Variants in KCNMB2 observed in about 807,000 individuals in gnomAD.
KCNMB2 encodes potassium calcium-activated channel subfamily M regulatory beta subunit 2, also known as calcium-activated potassium channel subunit beta-2.
In KCNMB2, 9 loss-of-function variants were observed where a neutral mutation model predicts 24.5. The ratio of observed to expected loss-of-function variants is 0.37; its 90% CI spans 0.22 to 0.64. The LOEUF (loss-of-function observed/expected upper bound fraction) is 0.64. Among genes scored for constraint, KCNMB2 ranks in the 30% least tolerant of loss-of-function variants. KCNMB2 has a pLI of 0.63. For synonymous variants in KCNMB2, 109 were observed against 104.4 expected, an observed-to-expected ratio of 1.04 and a Z score of -0.27; for missense variants, 226 against 284.3, an observed-to-expected ratio of 0.79 and a Z score of 1.47.
intron 1 of KCNMB2, among the ~76,000 whole-genome samples, chr3:178,776,339 A>G (rs1366226008): frequency 3.9e-5 from 6 of 152,020 alleles, no homozygotes; most frequent in East Asian, 3.9e-4. Flanking sequence ...CCCTGACCCT[A>G]TATCTTCTAA....
At chr3:178,795,395 C>A (rs1479122938) in intron 1 of KCNMB2, among the ~76,000 whole-genome samples, 1 of 152,200 alleles carries the variant, frequency 6.6e-6, no homozygotes, top group African/African-American at 2.4e-5. Context: ...GTGCTTACAT[C>A]ACGACTCCAG....
chr3:178,650,843 T>C (rs1308657935), intron 1 of KCNMB2, among the ~76,000 whole-genome samples: 2 of 152,132 alleles, frequency 1.3e-5, no homozygotes, highest in Non-Finnish European at 2.9e-5. Flanking sequence ...GAAAAGGCCT[T>C]TGATAAAATT....
At chr3:178,830,790 T>G (rs73183376) in intron 4 of KCNMB2, among the ~76,000 whole-genome samples, 16 of 152,302 alleles carry the variant, frequency 1.1e-4, no homozygotes, top group Non-Finnish European at 2.1e-4. Flanking sequence ...TTGTTTCTTC[T>G]TTACATTCAA....
chr3:178,626,946 AAACTT>A (rs1446619911), intron 1 of KCNMB2, among the ~76,000 whole-genome samples: 1 of 149,940 alleles, frequency 6.7e-6, no homozygotes, highest in Admixed American at 6.7e-5. Context: ...TATAACAAGT[AAACTT>A]AACTTGTTAA....
At chr3:178,559,636 T>C (rs1560108747) in intron 1 of KCNMB2, among the ~76,000 whole-genome samples, 1 of 149,766 alleles carries the variant, frequency 6.7e-6, no homozygotes, top group South Asian at 2.2e-4. Context: ...TACAAAAACA[T>C]TTAACAACAC....
chr3:178,548,086 C>T (rs1715833957), intron 1 of KCNMB2, among the ~76,000 whole-genome samples: 1 of 152,162 alleles, frequency 6.6e-6, no homozygotes, highest in African/African-American at 2.4e-5. Flanking sequence ...TATTGGAACA[C>T]TTTGGTTATT....
intron 1 of KCNMB2, among the ~76,000 whole-genome samples, chr3:178,586,410 A>G (rs999681422): frequency 6.6e-6 from 1 of 152,084 alleles, no homozygotes; most frequent in African/African-American, 2.4e-5. Flanking sequence ...AGTCAGCATT[A>G]TATTTTAGCA....
chr3:178,698,676 G>C (rs1024918693), intron 1 of KCNMB2, among the ~76,000 whole-genome samples: 9 of 152,222 alleles, frequency 5.9e-5, no homozygotes, highest in Non-Finnish European at 1.3e-4. Flanking sequence ...CAGTTGTTTG[G>C]ATGAAAGAAA....
chr3:178,671,552 G>A (rs935239138), intron 1 of KCNMB2, among the ~76,000 whole-genome samples: 3 of 152,110 alleles, frequency 2.0e-5, no homozygotes, highest in African/African-American at 7.2e-5. Flanking sequence ...TGAGCTTAGA[G>A]AGAAAATACA....
rs151128430 is a variant in KCNMB2, at chr3:178,602,558, T to C, written c.-68+65847T>C. On this transcript the variant is annotated intron_variant, in intron 1 of 4. Transcript: ENST00000452583. ...CAAGCCCTACTACAGCTCTGGGTAC[T>C]GGGAGGTTCGGGGGTGGGGGGGAGG... is the stretch of plus-strand genomic sequence containing the variant. 2.4e-4 allele frequency among the ~76,000 whole-genome samples: 34 copies of C among 140,006 alleles called. No individual in the cohort carries two copies. The Middle Eastern group carries it at 0.011, about 45-fold the overall frequency. The allele number at this position is 140,006 out of a possible 152,430, so 91.8% of individuals were successfully genotyped here.
chr3:178,797,373 A>G (rs1713591505), intron 1 of KCNMB2, among the ~76,000 whole-genome samples: 1 of 152,194 alleles, frequency 6.6e-6, no homozygotes, highest in South Asian at 2.1e-4. Flanking sequence ...GAACACTTCC[A>G]AACTCTGTCT....
chr3:178,793,212 C>A (rs2108441701), intron 1 of KCNMB2, among the ~76,000 whole-genome samples: 1 of 152,274 alleles, frequency 6.6e-6, no homozygotes. Context: ...TACTCTGGGA[C>A]ACACCTCTAC....
intron 1 of KCNMB2, among the ~76,000 whole-genome samples, chr3:178,735,001 T>C (rs1018449397): frequency 4.6e-5 from 7 of 152,246 alleles, no homozygotes; most frequent in Non-Finnish European, 7.3e-5. Flanking sequence ...GATTTATCTC[T>C]GTAGCAGAGT....
intron 1 of KCNMB2, among the ~76,000 whole-genome samples, chr3:178,724,204 A>G (rs943159385): frequency 6.6e-6 from 1 of 151,866 alleles, no homozygotes; most frequent in Non-Finnish European, 1.5e-5. Context: ...CCATTCTGAC[A>G]ATTTTGAGAA....
intron 1 of KCNMB2, among the ~76,000 whole-genome samples, chr3:178,644,335 T>C (rs1560145649): frequency 6.6e-6 from 1 of 152,200 alleles, no homozygotes; most frequent in Non-Finnish European, 1.5e-5. Context: ...TGGAGTGTTG[T>C]TGGAGAGGGC....
intron 1 of KCNMB2, among the ~76,000 whole-genome samples, chr3:178,587,510 G>A (rs559195980): frequency 6.6e-5 from 10 of 152,018 alleles, no homozygotes; most frequent in East Asian, 1.9e-4. Flanking sequence ...TGCAACCTCC[G>A]CCTCCCGGGT....
chr3:178,751,412 G>C (rs1030677313), intron 1 of KCNMB2, among the ~76,000 whole-genome samples: 3 of 151,402 alleles, frequency 2.0e-5, no homozygotes, highest in Non-Finnish European at 4.4e-5. Context: ...AACCCCATCT[G>C]TACTAAAAAT....
chr3:178,778,102 T>A (rs1272430173), intron 1 of KCNMB2, among the ~76,000 whole-genome samples: 1 of 152,230 alleles, frequency 6.6e-6, no homozygotes, highest in Non-Finnish European at 1.5e-5. Flanking sequence ...GCTTGCAGTG[T>A]TTCTTTTCAT....
At chr3:178,732,845 G>A (rs1165757832) in intron 1 of KCNMB2, among the ~76,000 whole-genome samples, 2 of 152,212 alleles carry the variant, frequency 1.3e-5, no homozygotes. Context: ...CGCTGGCTCA[G>A]TGTTCACAGT....
Sources: allele counts gnomAD v4.1 joint callset (sites outside exome capture counted in the v4.1 genomes callset), GRCh38; gene constraint gnomAD v4.1.1; transcripts MANE v1.5; gene names NCBI Gene and HGNC (gene_info 2026-07-23, HGNC 2026-07-21).